The following POLK variants were observed in gnomAD, a reference collection of about 807,000 sequenced individuals.
POLK encodes the protein DNA polymerase kappa, also known as polymerase (DNA directed) kappa.
Under a neutral mutation model 94.0 loss-of-function variants are expected in POLK, and 76 were observed. The ratio of observed to expected loss-of-function variants is 0.81; its 90% CI spans 0.67 to 0.98. The LOEUF is 0.98. Among genes scored for constraint, POLK ranks in the 50% least tolerant of loss-of-function variants. The probability of loss-of-function intolerance (pLI) is 0.00; values close to 1 mark genes in which losing one functional copy is unlikely to be tolerated. For synonymous variants in POLK, 349 were observed against 325.4 expected (o/e 1.07, Z -0.78); for missense variants, 954 against 1,010.1 (o/e 0.94, Z 0.75).
chr5:75,538,310 A>G (rs796334501), intron 1 of POLK, among the ~76,000 whole-genome samples: 7 of 152,316 alleles, frequency 4.6e-5, no homozygotes, highest in African/African-American at 1.7e-4. Flanking sequence ...GATCTCATTA[A>G]TTTAAAAAAG....
At chr5:75,511,572 TC>T, upstream of POLK, 1 of 1,460,010 alleles carries the variant, frequency 6.8e-7, no homozygotes. Context: ...GGCCGCTGAG[TC>T]CCGCGTCCAC....
chr5:75,581,525 CT>C, intron 7 of POLK, 77 bp downstream of exon 7: 1 of 1,230,612 alleles, frequency 8.1e-7, no homozygotes, highest in Non-Finnish European at 1.2e-6. Context: ...TTAGTAGTTT[CT>C]CATTATAAAG....
At chr5:75,546,537 G>C (rs908592310) in intron 1 of POLK, among the ~76,000 whole-genome samples, 1 of 151,978 alleles carries the variant, frequency 6.6e-6, no homozygotes, top group African/African-American at 2.4e-5. Flanking sequence ...TAAAAATTTT[G>C]TTTTGCTGAT....
chr5:75,518,237 G>A (rs1253847174), intron 1 of POLK, among the ~76,000 whole-genome samples: 1 of 152,092 alleles, frequency 6.6e-6, no homozygotes, highest in East Asian at 1.9e-4. Context: ...GAAATGTTGG[G>A]TAGAATTCAG....
At chr5:75,545,950 T>G (rs1479398018) in intron 1 of POLK, among the ~76,000 whole-genome samples, 2 of 152,202 alleles carry the variant, frequency 1.3e-5, no homozygotes, top group Non-Finnish European at 1.5e-5. Flanking sequence ...CCCTCACATG[T>G]AGTGCCGTAA....
downstream of POLK, among the ~76,000 whole-genome samples, chr5:75,603,195 T>TAA (rs745908347): frequency 1.1e-4 from 17 of 152,332 alleles, no homozygotes; most frequent in South Asian, 1.4e-3. Context: ...ATCCACCTTG[T>TAA]ATCCACTGCT....
chr5:75,597,228 A>G (rs746596901), intron 13 of POLK, 50 bp downstream of exon 13: 1 of 896,076 alleles, frequency 1.1e-6, no homozygotes, highest in South Asian at 1.6e-5. Context: ...AATATGTATT[A>G]TTAAAATTAA....
At chr5:75,583,449 T>C (rs752963099) in intron 8 of POLK, 32 bp downstream of exon 8, 14 of 1,415,418 alleles carry the variant, frequency 9.9e-6, no homozygotes, top group Non-Finnish European at 1.4e-5. Flanking sequence ...TATTTATATA[T>C]GTACTCTGAA....
intron 3 of POLK, among the ~76,000 whole-genome samples, chr5:75,568,086 A>G (rs1394838011): frequency 6.6e-6 from 1 of 152,200 alleles, no homozygotes; most frequent in Non-Finnish European, 1.5e-5. Flanking sequence ...ATATACACCT[A>G]TAGCTCTCCA....
chr5:75,587,177 G>C (rs1329336565), intron 10 of POLK, 119 bp downstream of exon 10: 9 of 603,130 alleles, frequency 1.5e-5, no homozygotes, highest in Non-Finnish European at 2.0e-5. Flanking sequence ...TACTATAACA[G>C]TTTTTAGTAG....
chr5:75,601,317 A>C (rs897123730), downstream of POLK, among the ~76,000 whole-genome samples: 1 of 152,160 alleles, frequency 6.6e-6, no homozygotes, highest in Non-Finnish European at 1.5e-5. Context: ...CTACAGCCTC[A>C]ATCAGTATTT....
At chr5:75,571,944 C>T (rs1771621844) in intron 4 of POLK, among the ~76,000 whole-genome samples, 1 of 152,164 alleles carries the variant, frequency 6.6e-6, no homozygotes, top group East Asian at 1.9e-4. Context: ...GTTTCTAGTG[C>T]TATCCACATT....
At position 75,516,959 on chromosome 5, in the gene POLK, T is replaced by A. The variant is rs186509429; in HGVS notation, c.-14+5045T>A. ...GTCAAAAATTACTTGGTTGTAAATG[T>A]GTGGATTTATATCTGGGTTCTCTAT... On this transcript the variant is annotated intron_variant, in intron 1 of 14. Coordinates refer to ENST00000241436, the Ensembl canonical transcript of POLK. 2.0e-5 allele frequency among the ~76,000 whole-genome samples: 3 copies of A among 152,328 alleles called. 1 individual carries two copies. The highest frequency in any genetic ancestry group is 2.0e-4 in the Admixed American group (3 of 15,302).
intron 1 of POLK, among the ~76,000 whole-genome samples, chr5:75,513,437 T>A (rs1225109445): frequency 1.3e-5 from 2 of 152,160 alleles, no homozygotes; most frequent in Non-Finnish European, 2.9e-5. Context: ...GGGATACTCA[T>A]TGATACCTTA....
At chr5:75,541,535 A>G (rs182017495) in intron 1 of POLK, among the ~76,000 whole-genome samples, 2 of 152,320 alleles carry the variant, frequency 1.3e-5, no homozygotes, top group African/African-American at 4.8e-5. Flanking sequence ...GAATAAAAAA[A>G]GGAGAAAGGC....
At chr5:75,584,973 A>G (rs1254509971) in intron 9 of POLK, 47 bp downstream of exon 9, 2 of 1,257,130 alleles carry the variant, frequency 1.6e-6, no homozygotes, top group Non-Finnish European at 2.3e-6. Context: ...CATTTGCTGC[A>G]ATATCAGTTT....
Position 75,597,183 on chromosome 5 carries a change from G to A in POLK, c.2485+5G>A. 1 of 1,360,578 alleles carries A rather than the reference G, an allele frequency of 7.3e-7. No individual in the cohort carries two copies. The highest frequency in any genetic ancestry group is 1.0e-6 in the Non-Finnish European group (1 of 960,408). 84.3% of individuals were successfully genotyped at this position (1,360,578 alleles called of 1,614,324 possible). A position where few individuals can be genotyped will look rare whatever the true frequency, so the allele number is the denominator to read the frequency against. On this transcript the variant is annotated splice_donor_5th_base_variant and intron_variant, in intron 13 of 14. Coordinates refer to ENST00000241436, the Ensembl canonical transcript of POLK. The stretch of plus-strand genomic sequence containing the variant: ...AAGAAAGCTCCAGAAGTACTGGTAA[G>A]TGTGTAATTGTTTTAAACTGCATGA...
intron 1 of POLK, chr5:75,534,983 G>A (rs5744566): frequency 0.077 from 11,703 of 152,186 alleles, 538 homozygotes; most frequent in South Asian, 0.17. Context: ...TGATGTGTGC[G>A]GATTTGATGC....
At chr5:75,524,716 G>T (rs1768747486) in intron 1 of POLK, among the ~76,000 whole-genome samples, 1 of 152,174 alleles carries the variant, frequency 6.6e-6, no homozygotes, top group Admixed American at 6.5e-5. Flanking sequence ...TACAGAGTGA[G>T]ATTCTCATTC....
Sources: allele counts gnomAD v4.1 joint callset (sites outside exome capture counted in the v4.1 genomes callset), GRCh38; gene constraint gnomAD v4.1.1; transcripts MANE v1.5; gene names NCBI Gene and HGNC (gene_info 2026-07-23, HGNC 2026-07-21).